Variants in GOLGA8A observed in about 807,000 individuals in gnomAD.
GOLGA8A encodes golgin subfamily A member 8A.
In GOLGA8A, 3 loss-of-function variants were observed where a neutral mutation model predicts 22.1. The observed-to-expected ratio is 0.14, with a 90% CI of 0.06 to 0.35. GOLGA8A has a LOEUF of 0.35. GOLGA8A is among the 10% of genes least tolerant of loss of function. The pLI, the probability that GOLGA8A is intolerant of heterozygous loss-of-function variation, is 1.00. For missense variants in GOLGA8A, 16 were observed against 233.2 expected (o/e 0.07, Z 6.07); for synonymous variants, 7 against 91.7 (o/e 0.08, Z 5.28).
At chr15:34,427,271 C>T (rs1281315609) in intron 2 of GOLGA8A, among the ~76,000 whole-genome samples, 1 of 132,104 alleles carries the variant, frequency 7.6e-6, no homozygotes, top group Non-Finnish European at 1.6e-5. Context: ...GTGGAGCTTA[C>T]AGTAAGCCGA....
chr15:34,409,410 TAA>T (rs1238322637), intron 2 of GOLGA8A, among the ~76,000 whole-genome samples: 2 of 126,410 alleles, frequency 1.6e-5, no homozygotes, highest in Non-Finnish European at 3.4e-5. Context: ...TCCAGTTTTT[TAA>T]GAGATTGCGG....
At chr15:34,437,270 G>C (rs1406634165) in intron 1 of GOLGA8A, 128 bp downstream of exon 1, 4 of 145,718 alleles carry the variant, frequency 2.7e-5, no homozygotes, top group Non-Finnish European at 4.6e-5. Flanking sequence ...AGTCCGGGGG[G>C]CAGCGCTCGG....
In GOLGA8A at chr15:34,380,968, G is replaced by A; in HGVS notation, c.*443C>T. ...ATTGAGCTATAGAAGAGCTCACTGT[G>A]ATTAAGATGAGATCAAACATCATAG... On this transcript the variant is annotated 3_prime_UTR_variant, in exon 25 of 25. Coordinates refer to ENST00000359187, the MANE Select transcript of GOLGA8A (RefSeq NM_181077.5). 1 of 328,334 alleles carries A rather than the reference G, an allele frequency of 3.0e-6. No individual in the cohort carries two copies. Among genetic ancestry groups the A allele is most frequent in the Non-Finnish European group, 5.9e-6 (1 of 170,762 alleles). 20.3% of individuals were successfully genotyped at this position (328,334 alleles called of 1,614,324 possible).
At chr15:34,424,439 C>T (rs1232890477) in intron 2 of GOLGA8A, among the ~76,000 whole-genome samples, 1 of 141,894 alleles carries the variant, frequency 7.0e-6, no homozygotes, top group Non-Finnish European at 1.5e-5. Flanking sequence ...TAAAAAAATA[C>T]GAGAGGAAGA....
intron 2 of GOLGA8A, among the ~76,000 whole-genome samples, chr15:34,411,546 A>ACTT: frequency 1.4e-5 from 1 of 72,160 alleles, no homozygotes; most frequent in African/African-American, 7.3e-5. Flanking sequence ...TCTTCTCTCT[A>ACTT]GAACACATTG....
At position 34,381,205 on chromosome 15, in the gene GOLGA8A, A is replaced by G. The variant is rs1891470490; in HGVS notation, c.*206T>C. 3 of 890,928 alleles carry G rather than the reference A, an allele frequency of 3.4e-6. No homozygotes were observed. The highest frequency in any genetic ancestry group is 5.1e-6 in the Non-Finnish European group (3 of 590,794). The allele number at this position is 890,928 out of a possible 1,614,324, so 55.2% of individuals were successfully genotyped here. A position where few individuals can be genotyped will look rare whatever the true frequency, so the allele number is the denominator to read the frequency against. ...AATGAAAAAAGAAAAATGCTGAAGGATGCCAGAGTGAACATCAGTGAGAGC... is the reference window on the plus strand; with the variant it reads ...AATGAAAAAAGAAAAATGCTGAAGGGTGCCAGAGTGAACATCAGTGAGAGC... On this transcript the variant is annotated 3_prime_UTR_variant, in exon 25 of 25. Coordinates refer to ENST00000359187, the MANE Select transcript of GOLGA8A (RefSeq NM_181077.5).
rs1358244783 is a variant in GOLGA8A, at chr15:34,437,451, T to C, written c.-1265A>G. On this transcript the variant is annotated 5_prime_UTR_variant, in exon 1 of 25. Coordinates refer to ENST00000359187, the MANE Select transcript of GOLGA8A (RefSeq NM_181077.5). Reference sequence around the variant, plus strand: ...CGCCGCCGTCCTCGCCGCGCCGCCGTCCTCGCCGCGCCGCCGTCCTCGCCG... The same window carrying C: ...CGCCGCCGTCCTCGCCGCGCCGCCGCCCTCGCCGCGCCGCCGTCCTCGCCG... The C allele has an allele frequency of 4.6e-5, 6 of 129,700 alleles. No individual in the cohort carries two copies. Among genetic ancestry groups the C allele is most frequent in the East Asian group, 2.3e-4 (1 of 4,320 alleles). The allele number at this position is 129,700 out of a possible 1,614,324, so 8.0% of individuals were successfully genotyped here.
Position 34,430,933 on chromosome 15 carries a change from G to T in GOLGA8A, c.-1123+4450C>A, listed in dbSNP as rs1566913748. Among the ~76,000 whole-genome samples the T allele has an allele frequency of 2.0e-5, 3 of 149,220 alleles. 1 individual carries two copies. In the South Asian group the frequency reaches 6.4e-4, roughly 32 times the overall value. On this transcript the variant is annotated intron_variant, in intron 2 of 24. Transcript: ENST00000359187. ...GCCCCACTGCACCACACCCGTGACA[G>T]CTGCCACCAGCTCCGGATAATTCAG...
At chr15:34,423,736 T>C (rs1243459590) in intron 2 of GOLGA8A, among the ~76,000 whole-genome samples, 3 of 148,972 alleles carry the variant, frequency 2.0e-5, no homozygotes, top group Non-Finnish European at 4.5e-5. Flanking sequence ...CCTGGCACAG[T>C]CAGGGTGGGG....
chr15:34,404,431 G>A (rs1892142500), intron 5 of GOLGA8A, among the ~76,000 whole-genome samples: 1 of 147,136 alleles, frequency 6.8e-6, no homozygotes, highest in Admixed American at 6.8e-5. Flanking sequence ...GATGAACAGG[G>A]TAAAAAGTGG....
Position 34,381,244 on chromosome 15 carries a change from T to C in GOLGA8A, c.*167A>G. On this transcript the variant is annotated 3_prime_UTR_variant, in exon 25 of 25. Transcript: ENST00000359187. ...ATCAGTGAGAGCCACAGAGACCCACTCTCTTTTAACTTTTTACAAATAAAC... is the reference window on the plus strand; with the variant it reads ...ATCAGTGAGAGCCACAGAGACCCACCCTCTTTTAACTTTTTACAAATAAAC... The C allele has an allele frequency of 9.0e-7, 1 of 1,111,708 alleles. No individual in the cohort carries two copies. Among genetic ancestry groups the C allele is most frequent in the South Asian group, 1.5e-5 (1 of 68,554 alleles). The allele number at this position is 1,111,708 out of a possible 1,614,324, so 68.9% of individuals were successfully genotyped here. A position where few individuals can be genotyped will look rare whatever the true frequency, so the allele number is the denominator to read the frequency against.
chr15:34,427,223 C>T lies in GOLGA8A; in HGVS notation c.-1123+8160G>A, dbSNP rs149899943. On this transcript the variant is annotated intron_variant, in intron 2 of 24. Transcript: ENST00000359187. ...GCGGGCGCCTGTAGTCCCAGCTACT[C>T]GGGAAGCTGAGGAAGGAGAATGGCG... Among the ~76,000 whole-genome samples the T allele has an allele frequency of 6.8e-3, 983 of 143,908 alleles. 75 individuals carry two copies. The highest frequency in any genetic ancestry group is 0.024 in the African/African-American group (909 of 38,526). The allele number at this position is 143,908 out of a possible 152,430, so 94.4% of individuals were successfully genotyped here. A position where few individuals can be genotyped will look rare whatever the true frequency, so the allele number is the denominator to read the frequency against.
intron 1 of GOLGA8A, 51 bp from the exon 2 acceptor site, chr15:34,435,522 T>G (rs972030454): frequency 6.7e-6 from 1 of 149,118 alleles, no homozygotes; most frequent in African/African-American, 2.5e-5. Context: ...GAAGGTTATG[T>G]AAACAAGTTA....
At chr15:34,404,590 T>C (rs1892153451) in intron 5 of GOLGA8A, among the ~76,000 whole-genome samples, 1 of 132,746 alleles carries the variant, frequency 7.5e-6, no homozygotes, top group African/African-American at 2.7e-5. Flanking sequence ...ATGATCAACA[T>C]AGTGAGACCC....
intron 1 of GOLGA8A, among the ~76,000 whole-genome samples, chr15:34,435,859 C>G (rs1893482650): frequency 6.7e-6 from 1 of 149,204 alleles, no homozygotes; most frequent in East Asian, 2.0e-4. Flanking sequence ...TGCCAGCACA[C>G]AGCTACGAGC....
At chr15:34,411,793 A>G (rs1892441904) in intron 2 of GOLGA8A, among the ~76,000 whole-genome samples, 1 of 121,236 alleles carries the variant, frequency 8.2e-6, no homozygotes, top group African/African-American at 3.5e-5. Flanking sequence ...GAGATGTGGA[A>G]TGAAATGGAG....
In GOLGA8A at chr15:34,437,172, G is replaced by C. The variant is rs1237698540; in HGVS notation, c.-1212+226C>G. On this transcript the variant is annotated intron_variant, in intron 1 of 24. Coordinates refer to ENST00000359187, the MANE Select transcript of GOLGA8A (RefSeq NM_181077.5). ...TCCCCGCCGCACCCGCCCGCCCATCGTGGGAGGAGGATGGGCCGGTCCGAG... is the reference window on the plus strand; with the variant it reads ...TCCCCGCCGCACCCGCCCGCCCATCCTGGGAGGAGGATGGGCCGGTCCGAG... 6.1e-5 allele frequency among the ~76,000 whole-genome samples: 9 copies of C among 147,480 alleles called. 1 individual carries two copies. Among genetic ancestry groups the C allele is most frequent in the African/African-American group, 2.2e-4 (9 of 40,052 alleles).
At chr15:34,437,013 C>T (rs1893553622) in intron 1 of GOLGA8A, among the ~76,000 whole-genome samples, 1 of 149,142 alleles carries the variant, frequency 6.7e-6, no homozygotes, top group Non-Finnish European at 1.5e-5. Context: ...AGCCGGGCAG[C>T]GGAACGCACC....
intron 2 of GOLGA8A, among the ~76,000 whole-genome samples, chr15:34,432,976 AG>A (rs1289825368): frequency 1.3e-5 from 2 of 148,924 alleles, no homozygotes; most frequent in East Asian, 3.9e-4. Flanking sequence ...AAACAACCAC[AG>A]GCAAGAGGCC....
Sources: allele counts gnomAD v4.1 joint callset (sites outside exome capture counted in the v4.1 genomes callset), GRCh38; gene constraint gnomAD v4.1.1; transcripts MANE v1.5; gene names NCBI Gene and HGNC (gene_info 2026-07-23, HGNC 2026-07-21).